UBE2J1: variants seen among roughly 807,000 people sequenced by gnomAD.
UBE2J1 encodes ubiquitin-conjugating enzyme E2 J1.
In UBE2J1, 17 loss-of-function variants were observed where a neutral mutation model predicts 42.1. That is an observed-to-expected ratio of 0.40 (90% CI 0.28 to 0.61). The LOEUF (loss-of-function observed/expected upper bound fraction) is 0.61. Among genes scored for constraint, UBE2J1 ranks in the 20% least tolerant of loss-of-function variants. The pLI, the probability that UBE2J1 is intolerant of heterozygous loss-of-function variation, is 0.38. For synonymous variants in UBE2J1, 127 were observed against 137.2 expected, an observed-to-expected ratio of 0.93 and a Z score of 0.52; for missense variants, 291 against 389.4, an observed-to-expected ratio of 0.75 and a Z score of 2.13.
rs1767950196 is a variant in UBE2J1, at chr6:89,328,666, A to C, written c.*1013T>G. ...AAGTTATATATTGATTTTTCCACTG[A>C]AAATTCTTTCTTGGGCTCTGACTAG... On this transcript the variant is annotated 3_prime_UTR_variant, in exon 8 of 8. Transcript: ENST00000435041. The C allele has an allele frequency of 6.6e-6, 1 of 152,182 alleles. No individual in the cohort carries two copies. The highest frequency in any genetic ancestry group is 2.4e-5 in the African/African-American group (1 of 41,440). 9.4% of individuals were successfully genotyped at this position (152,182 alleles called of 1,614,324 possible).
intron 3 of UBE2J1, among the ~76,000 whole-genome samples, chr6:89,339,213 C>A (rs1484854963): frequency 1.3e-5 from 2 of 150,664 alleles, no homozygotes; most frequent in Non-Finnish European, 3.0e-5. Flanking sequence ...TCACTTGAGG[C>A]CAGGAGTTCA....
chr6:89,344,955 T>C (rs1768329953), intron 1 of UBE2J1, among the ~76,000 whole-genome samples: 1 of 152,174 alleles, frequency 6.6e-6, no homozygotes, highest in Non-Finnish European at 1.5e-5. Context: ...AAGCTTTTGG[T>C]GCTAAAACAT....
intron 3 of UBE2J1, among the ~76,000 whole-genome samples, chr6:89,339,565 GGA>G (rs1376003853): frequency 3.8e-4 from 4 of 10,596 alleles, no homozygotes; most frequent in East Asian, 4.2e-3. Flanking sequence ...GGATGGGGAG[GGA>G]AGAGGGGTGG....
chr6:89,347,007 T>G (rs1287507315), intron 1 of UBE2J1, among the ~76,000 whole-genome samples: 2 of 152,230 alleles, frequency 1.3e-5, no homozygotes, highest in African/African-American at 4.8e-5. Context: ...CAGAATCCGA[T>G]TAAAGGCAAT....
At chr6:89,332,537 T>A (rs1768029358) in intron 7 of UBE2J1, among the ~76,000 whole-genome samples, 1 of 152,232 alleles carries the variant, frequency 6.6e-6, no homozygotes, top group East Asian at 1.9e-4. Flanking sequence ...CTGTCCAATA[T>A]GGTACCCATT....
chr6:89,341,193 G>A (rs1237445557), intron 3 of UBE2J1, among the ~76,000 whole-genome samples: 1 of 152,238 alleles, frequency 6.6e-6, no homozygotes, highest in Non-Finnish European at 1.5e-5. Flanking sequence ...TCTCAAACTG[G>A]TCTCTGAGAT....
intron 1 of UBE2J1, among the ~76,000 whole-genome samples, chr6:89,345,360 G>A (rs546997633): frequency 1.2e-4 from 19 of 152,320 alleles, no homozygotes; most frequent in African/African-American, 4.6e-4. Flanking sequence ...CTAGCACTTT[G>A]GGAGACCGAG....
intron 6 of UBE2J1, 56 bp downstream of exon 6, chr6:89,335,246 T>C: frequency 6.8e-7 from 1 of 1,475,934 alleles, no homozygotes. Flanking sequence ...CTATGCAGAA[T>C]CCAGCAGTAA....
chr6:89,332,720 G>A (rs1475370715), intron 7 of UBE2J1, among the ~76,000 whole-genome samples: 1 of 152,198 alleles, frequency 6.6e-6, no homozygotes, highest in Non-Finnish European at 1.5e-5. Context: ...TATTAAGTCA[G>A]TACCTTAATG....
At chr6:89,342,255 T>C (rs752643776) in intron 3 of UBE2J1, 69 bp downstream of exon 3, 5 of 1,546,446 alleles carry the variant, frequency 3.2e-6, no homozygotes, top group Non-Finnish European at 4.4e-6. Flanking sequence ...GAAAATGATT[T>C]GCTTACTATA....
intron 2 of UBE2J1, 104 bp from the exon 3 acceptor site, chr6:89,342,559 A>G (rs1251563346): frequency 9.3e-7 from 1 of 1,078,632 alleles, no homozygotes; most frequent in Non-Finnish European, 1.3e-6. Flanking sequence ...TAAATGCTTT[A>G]TATTATTGCT....
In UBE2J1 at chr6:89,327,679, G is replaced by A. The variant is rs1767933818; in HGVS notation, c.*2000C>T. ...TCTTGGCTTTTTATTTAACTTAGCA[G>A]TGAATGCAGCAGGATTGGCTTAAAG... On this transcript the variant is annotated 3_prime_UTR_variant, in exon 8 of 8. Transcript: ENST00000435041. 1 of 152,238 alleles carries A rather than the reference G, an allele frequency of 6.6e-6. No homozygotes were observed. Among genetic ancestry groups the A allele is most frequent in the Non-Finnish European group, 1.5e-5 (1 of 68,066 alleles). 9.4% of individuals were successfully genotyped at this position (152,238 alleles called of 1,614,324 possible).
In UBE2J1 at chr6:89,338,231, A is replaced by C. The variant is rs1201145649; in HGVS notation, c.402T>G (p.Pro134=). ...EGAIGSLDYT[P]EERRALAKKS... is the part of the protein sequence containing the mutation. ...TTTTGGCAAGTGCTCTTCTTTCCTCAGGAGTGTAATCTAGAGAACCTATGG... is the reference window on the plus strand; with the variant it reads ...TTTTGGCAAGTGCTCTTCTTTCCTCCGGAGTGTAATCTAGAGAACCTATGG... Residue 134 remains proline (P), a synonymous_variant, in exon 5 of 8, where the codon CCT becomes CCG. Coordinates refer to ENST00000435041, the MANE Select transcript of UBE2J1 (RefSeq NM_016021.3). The C allele has an allele frequency of 1.2e-6, 2 of 1,613,148 alleles. No individual in the cohort carries two copies. Among genetic ancestry groups the C allele is most frequent in the African/African-American group, 1.3e-5 (1 of 74,884 alleles).
rs757076516 is a variant in UBE2J1, at chr6:89,329,818, T to C, written c.818A>G (p.Gln273Arg). The change falls in exon 8 of 8, where the codon CAG (glutamine) becomes CGG (arginine). Residue 273 changes from glutamine (Q) to arginine (R), a missense_variant. Transcript: ENST00000435041. ...GTGGTTGTCTCTTGGCTGGTGGCCC[T>C]GGATTACATCTGGTGAAGTAGACAA... ...RRLSTSPDVI[Q>R]GHQPRDNHTD... is the part of the protein sequence containing the mutation. 1.9e-5 allele frequency: 30 copies of C among 1,614,152 alleles called. No homozygotes were observed. The East Asian group carries it at 2.0e-4, about 11-fold the overall frequency.
chr6:89,342,115 A>G lies in UBE2J1; in HGVS notation c.237+209T>C, dbSNP rs140115848. Among the ~76,000 whole-genome samples the G allele has an allele frequency of 9.1e-3, 1,379 of 152,316 alleles. 13 individuals are homozygous for G. Among genetic ancestry groups the G allele is most frequent in the African/African-American group, 0.026 (1,084 of 41,570 alleles). On this transcript the variant is annotated intron_variant, in intron 3 of 7. Transcript: ENST00000435041. The stretch of plus-strand genomic sequence containing the variant: ...TCCTAACAACCATGATATGACATTT[A>G]TGCATTCAGTTGTATCATTTTTACT...
Position 89,338,537 on chromosome 6 carries a change from C to G in UBE2J1, c.244G>C (p.Gly82Arg). Residue 82 changes from glycine (G) to arginine (R), a missense_variant, in exon 4 of 8, where the codon GGT (glycine) becomes CGT (arginine). By Grantham distance (125) the Gly-to-Arg change is moderately radical. Coordinates refer to ENST00000435041, the MANE Select transcript of UBE2J1 (RefSeq NM_016021.3). ...PPSIILLTAN[G>R]RFEVGKKICL... ...ATTTTCTTGCCCACTTCAAATCGAC[C>G]ATTAGCCTGAGGAATAAACAATGCA... 1 of 1,574,888 alleles carries G rather than the reference C, an allele frequency of 6.3e-7. No individual in the cohort carries two copies. The highest frequency in any genetic ancestry group is 8.6e-7 in the Non-Finnish European group (1 of 1,167,708).
chr6:89,352,390 A>C (rs1768502624), intron 1 of UBE2J1, 149 bp downstream of exon 1: 1 of 891,374 alleles, frequency 1.1e-6, no homozygotes, highest in Non-Finnish European at 1.6e-6. Flanking sequence ...TGCGGCCTGT[A>C]CTTCCCGGGC....
intron 6 of UBE2J1, 97 bp downstream of exon 6, chr6:89,335,205 A>G (rs1242631622): frequency 8.8e-7 from 1 of 1,142,086 alleles, no homozygotes. Flanking sequence ...GGCAAATGTC[A>G]TATTGTAATA....
intron 1 of UBE2J1, among the ~76,000 whole-genome samples, chr6:89,352,308 G>A (rs1768500499): frequency 1.3e-5 from 2 of 152,242 alleles, no homozygotes; most frequent in Admixed American, 1.3e-4. Flanking sequence ...AGAAAAGGGA[G>A]AGGCTGGGTG....
Sources: allele counts gnomAD v4.1 joint callset (sites outside exome capture counted in the v4.1 genomes callset), GRCh38; gene constraint gnomAD v4.1.1; transcripts MANE v1.5; gene names NCBI Gene and HGNC (gene_info 2026-07-23, HGNC 2026-07-21).